Variants in DCAF1 observed in about 807,000 individuals in gnomAD.
DCAF1 encodes DDB1- and CUL4-associated factor 1.
A neutral mutation model predicts 128.0 loss-of-function variants in DCAF1; 15 were observed. The ratio of observed to expected loss-of-function variants is 0.12; its 90% CI spans 0.08 to 0.18. DCAF1 has a LOEUF of 0.18. Ranked by LOEUF, DCAF1 falls within the 10% of genes least tolerant of loss-of-function variation. DCAF1 has a pLI of 1.00. For synonymous variants in DCAF1, 610 were observed against 603.0 expected, an observed-to-expected ratio of 1.01 and a Z score of -0.17; for missense variants, 988 against 1,649.5, an observed-to-expected ratio of 0.60 and a Z score of 6.95.
At chr3:51,453,951 CAAA>C (rs200483134) in intron 6 of DCAF1, among the ~76,000 whole-genome samples, 1 of 129,698 alleles carries the variant, frequency 7.7e-6, no homozygotes, top group African/African-American at 2.8e-5. Flanking sequence ...GACTCCATCT[CAAA>C]AAAAAAAAAA....
At chr3:51,455,638 C>T (rs1702814953) in intron 6 of DCAF1, among the ~76,000 whole-genome samples, 1 of 150,796 alleles carries the variant, frequency 6.6e-6, no homozygotes, top group Non-Finnish European at 1.5e-5. Flanking sequence ...GTGGCTCACA[C>T]CTGTAATCCC....
intron 4 of DCAF1, among the ~76,000 whole-genome samples, chr3:51,468,196 G>T (rs935544104): frequency 2.0e-5 from 3 of 152,184 alleles, no homozygotes; most frequent in Non-Finnish European, 4.4e-5. Flanking sequence ...TTCTGAGATG[G>T]AGTCTTGTTC....
chr3:51,429,765 G>A (rs1330270663), intron 11 of DCAF1, among the ~76,000 whole-genome samples: 2 of 151,890 alleles, frequency 1.3e-5, no homozygotes, highest in Non-Finnish European at 2.9e-5. Flanking sequence ...TAAAACTATT[G>A]CTTTTACAAA....
intron 23 of DCAF1, among the ~76,000 whole-genome samples, chr3:51,405,041 C>T (rs549921004): frequency 2.6e-5 from 4 of 152,266 alleles, no homozygotes; most frequent in Admixed American, 6.5e-5. Flanking sequence ...TTTTTCCAGG[C>T]GTATTTTCAT....
At chr3:51,473,074 C>T (rs1279496466) in intron 3 of DCAF1, among the ~76,000 whole-genome samples, 1 of 149,502 alleles carries the variant, frequency 6.7e-6, no homozygotes, top group Non-Finnish European at 1.5e-5. Flanking sequence ...GTCAGGAGTT[C>T]GAGACCAGCC....
At position 51,418,823 on chromosome 3, in the gene DCAF1, G is replaced by A; in HGVS notation, c.3290C>T (p.Thr1097Ile). The A allele has an allele frequency of 3.1e-6, 5 of 1,613,742 alleles. No individual in the cohort carries two copies. Among genetic ancestry groups the A allele is most frequent in the Non-Finnish European group, 3.4e-6 (4 of 1,179,872 alleles). ...REANEDESGF[T>I]CCAFSARERF... ...CTCCCGTGCTGAGAATGCACAGCAG[G>A]TGAAGCCACTCTCATCTTCATTGGC... The change falls in exon 16 of 25, where the codon ACC (threonine) becomes ATC (isoleucine). Residue 1097 changes from threonine (T) to isoleucine (I), a missense_variant. Transcript: ENST00000684031.
intron 2 of DCAF1, among the ~76,000 whole-genome samples, chr3:51,487,388 T>C (rs1454091156): frequency 2.0e-5 from 3 of 152,178 alleles, no homozygotes; most frequent in Non-Finnish European, 4.4e-5. Context: ...CATATTATAG[T>C]GGTACACTGT....
chr3:51,424,127 T>C (rs1553633400), intron 13 of DCAF1, among the ~76,000 whole-genome samples: 2 of 152,010 alleles, frequency 1.3e-5, no homozygotes, highest in Non-Finnish European at 2.9e-5. Context: ...ATGTCTTTTG[T>C]AGTTAAAAAA....
chr3:51,466,066 T>C (rs1252911229), intron 5 of DCAF1, among the ~76,000 whole-genome samples: 3 of 151,896 alleles, frequency 2.0e-5, no homozygotes, highest in Non-Finnish European at 4.4e-5. Context: ...GCAGGTGTGG[T>C]TGGCAGGCAC....
rs1701314083 is a variant in DCAF1, at chr3:51,441,040, C to T, written c.1058G>A (p.Arg353Gln). 6.2e-7 allele frequency: 1 copy of T among 1,612,452 alleles called. No homozygotes were observed. The change falls in exon 9 of 25, where the codon CGG becomes CAG. Residue 353 changes from arginine (R) to glutamine (Q), a missense_variant. Physicochemically the swap from Arg to Gln is conservative, Grantham distance 43. Coordinates refer to ENST00000684031, the MANE Select transcript of DCAF1 (RefSeq NM_001387579.1). The stretch of plus-strand genomic sequence containing the variant: ...GTCAATATAGAACATCATCAGCTCC[C>T]GTGATCCAAGTTGCATGAATATGGG... Reference protein sequence around the residue: ...LLPIFMQLGSRELMMFYIDLK... With the variant: ...LLPIFMQLGSQELMMFYIDLK...
intron 6 of DCAF1, among the ~76,000 whole-genome samples, chr3:51,445,727 T>C (rs1225724234): frequency 6.6e-6 from 1 of 152,198 alleles, no homozygotes; most frequent in Non-Finnish European, 1.5e-5. Flanking sequence ...TGAACTTTAC[T>C]AGATGAGGCC....
intron 10 of DCAF1, among the ~76,000 whole-genome samples, chr3:51,431,843 C>T (rs1700414007): frequency 6.6e-6 from 1 of 151,540 alleles, no homozygotes; most frequent in Non-Finnish European, 1.5e-5. Flanking sequence ...TGGTGGTGCA[C>T]GTCTGTGGTC....
intron 24 of DCAF1, 90 bp from the exon 25 acceptor site, chr3:51,398,917 G>A: frequency 6.7e-7 from 1 of 1,486,356 alleles, no homozygotes; most frequent in Non-Finnish European, 9.1e-7. Context: ...ATACATTCAT[G>A]CCCGAGCAAG....
intron 3 of DCAF1, among the ~76,000 whole-genome samples, chr3:51,476,713 T>C (rs939996738): frequency 1.3e-5 from 2 of 150,412 alleles, no homozygotes; most frequent in Non-Finnish European, 3.0e-5. Context: ...CTGTCTCTAC[T>C]AAAAATACAA....
chr3:51,467,526 C>T (rs1344944363), intron 4 of DCAF1, among the ~76,000 whole-genome samples: 3 of 151,934 alleles, frequency 2.0e-5, no homozygotes, highest in African/African-American at 7.3e-5. Context: ...AGAGGGACAG[C>T]ATTAGGAGAT....
chr3:51,447,820 C>T (rs1323335354), intron 6 of DCAF1, among the ~76,000 whole-genome samples: 7 of 151,968 alleles, frequency 4.6e-5, no homozygotes, highest in Non-Finnish European at 7.4e-5. Context: ...TGGTGGCACA[C>T]GCCTATAATC....
At chr3:51,490,267 A>G (rs1438646981) in intron 2 of DCAF1, among the ~76,000 whole-genome samples, 2 of 152,052 alleles carry the variant, frequency 1.3e-5, no homozygotes, top group African/African-American at 4.8e-5. Flanking sequence ...AAGGCAAAAA[A>G]TTAGCCAGGC....
chr3:51,417,744 AAAAGG>A (rs1207779674), intron 17 of DCAF1, among the ~76,000 whole-genome samples: 8 of 147,506 alleles, frequency 5.4e-5, no homozygotes, highest in Admixed American at 1.3e-4. Context: ...AAAGAAAAAA[AAAAGG>A]AAAGGAAAGG....
intron 3 of DCAF1, among the ~76,000 whole-genome samples, chr3:51,482,965 C>G (rs1433970603): frequency 1.3e-5 from 2 of 151,138 alleles, no homozygotes; most frequent in East Asian, 3.9e-4. Context: ...GGTGAAACCC[C>G]GTCTCTACTA....
Sources: gnomAD v4.1 joint callset for allele counts (sites outside exome capture counted in the v4.1 genomes callset) on GRCh38, gnomAD v4.1.1 for gene constraint, MANE v1.5 for transcripts, NCBI Gene and HGNC (gene_info 2026-07-23, HGNC 2026-07-21) for gene names.